PDE1A: variants seen among roughly 807,000 people sequenced by gnomAD.
PDE1A encodes phosphodiesterase 1A.
Under a neutral mutation model 61.7 loss-of-function variants are expected in PDE1A, and 35 were observed. The ratio of observed to expected loss-of-function variants is 0.57; its 90% confidence interval spans 0.43 to 0.75. The LOEUF (loss-of-function observed/expected upper bound fraction) is 0.75, where lower values mean the gene tolerates loss of function less well. PDE1A is among the 30% of genes least tolerant of loss of function. PDE1A has a pLI of 0.00. For synonymous variants in PDE1A, 232 were observed against 213.2 expected (o/e 1.09, Z -0.77); for missense variants, 597 against 630.6 (o/e 0.95, Z 0.57).
chr2:182,560,328 C>G, the PDE1A span, among the ~76,000 whole-genome samples: 1 of 149,844 alleles, frequency 6.7e-6, no homozygotes, highest in African/African-American at 2.5e-5. Flanking sequence ...GTTTTTTGTC[C>G]TTGCGATAGT....
At chr2:182,594,581 T>C in the PDE1A span, among the ~76,000 whole-genome samples, 1 of 152,360 alleles carries the variant, frequency 6.6e-6, no homozygotes, top group African/African-American at 2.4e-5. Flanking sequence ...ATAACTTTTC[T>C]TTGTCATATA....
At chr2:182,627,340 A>G in the PDE1A span, among the ~76,000 whole-genome samples, 4 of 116,630 alleles carry the variant, frequency 3.4e-5, no homozygotes, top group Non-Finnish European at 6.5e-5. Flanking sequence ...AAATTTATAT[A>G]TAATATATAA....
At chr2:182,527,779 T>C (rs571608540), upstream of PDE1A, among the ~76,000 whole-genome samples, 126 of 152,140 alleles carry the variant, frequency 8.3e-4, 2 homozygotes, top group African/African-American at 2.9e-3. Context: ...TGGGAGATAA[T>C]TGAATCATAG....
chr2:182,380,333 C>T (rs552380881), intron 1 of PDE1A, among the ~76,000 whole-genome samples: 4 of 151,894 alleles, frequency 2.6e-5, no homozygotes, highest in East Asian at 3.9e-4. Context: ...AGGATGGTCT[C>T]GATCTCCTGA....
chr2:182,537,181 A>C, the PDE1A span, among the ~76,000 whole-genome samples: 1 of 152,238 alleles, frequency 6.6e-6, no homozygotes, highest in Admixed American at 6.5e-5. Flanking sequence ...AACTGGAAGA[A>C]GCAGAGTAAA....
chr2:182,561,478 G>A, the PDE1A span, among the ~76,000 whole-genome samples: 35 of 152,322 alleles, frequency 2.3e-4, no homozygotes, highest in African/African-American at 8.2e-4. Flanking sequence ...ATAGTTTGAA[G>A]TCAGGCAGCA....
At chr2:182,516,702 G>GAGGAAAGAAGGAAGGAAGGAAGGAAGGA (rs1690181413) in intron 2 of PDE1A, among the ~76,000 whole-genome samples, 1 of 116,764 alleles carries the variant, frequency 8.6e-6, no homozygotes, top group Non-Finnish European at 1.7e-5. Flanking sequence ...GGGAGGAAGG[G>GAGGAAAGAAGGAAGGAAGGAAGGAAGGA]AGGAAGGAAG....
chr2:182,551,968 G>A, the PDE1A span, among the ~76,000 whole-genome samples: 2 of 152,224 alleles, frequency 1.3e-5, no homozygotes, highest in South Asian at 4.2e-4. Flanking sequence ...AGATTACTCT[G>A]GATGAACAGA....
At chr2:182,475,626 G>A (rs952252419) in intron 2 of PDE1A, among the ~76,000 whole-genome samples, 6 of 151,844 alleles carry the variant, frequency 4.0e-5, no homozygotes, top group Non-Finnish European at 5.9e-5. Context: ...AAACAAGCAC[G>A]GGCTATTCAT....
At chr2:182,688,957 C>A in the PDE1A span, among the ~76,000 whole-genome samples, 1 of 152,186 alleles carries the variant, frequency 6.6e-6, no homozygotes, top group South Asian at 2.1e-4. Context: ...ATAAAGGGAT[C>A]AATTCAACAA....
At chr2:182,259,677 G>A (rs1465997616) in intron 2 of PDE1A, among the ~76,000 whole-genome samples, 19 of 152,144 alleles carry the variant, frequency 1.2e-4, no homozygotes, top group Admixed American at 1.2e-3. Flanking sequence ...GAGTCTAAGC[G>A]CTAATCATCG....
At chr2:182,542,090 T>G in the PDE1A span, among the ~76,000 whole-genome samples, 1 of 152,166 alleles carries the variant, frequency 6.6e-6, no homozygotes, top group African/African-American at 2.4e-5. Context: ...TTTTAAAAAT[T>G]TTATGTGATT....
intron 1 of PDE1A, among the ~76,000 whole-genome samples, chr2:182,359,989 C>T (rs1448815602): frequency 6.6e-6 from 1 of 152,080 alleles, no homozygotes; most frequent in Non-Finnish European, 1.5e-5. Flanking sequence ...AACCCAAATA[C>T]CATGAAGAAA....
At chr2:182,289,276 T>C (rs1463229635) in intron 1 of PDE1A, among the ~76,000 whole-genome samples, 1 of 152,116 alleles carries the variant, frequency 6.6e-6, no homozygotes, top group Non-Finnish European at 1.5e-5. Flanking sequence ...TTTCCCTTTC[T>C]AGCTAAAGTT....
intron 3 of PDE1A, among the ~76,000 whole-genome samples, chr2:182,236,609 C>A (rs1171944126): frequency 6.6e-6 from 1 of 152,146 alleles, no homozygotes; most frequent in African/African-American, 2.4e-5. Flanking sequence ...TATTTAATGT[C>A]ATTCATTTGT....
chr2:182,215,937 A>C (rs929194235), intron 7 of PDE1A, among the ~76,000 whole-genome samples: 1 of 121,532 alleles, frequency 8.2e-6, no homozygotes, highest in Non-Finnish European at 1.7e-5. Flanking sequence ...TCATTCTGAT[A>C]CCAAAGCCAG....
intron 2 of PDE1A, among the ~76,000 whole-genome samples, chr2:182,255,465 C>G (rs538316292): frequency 3.9e-5 from 6 of 152,110 alleles, no homozygotes; most frequent in Non-Finnish European, 5.9e-5. Flanking sequence ...CCAAGTTTAG[C>G]AGCTCATTAT....
At chr2:182,416,242 A>G (rs959514601) in intron 1 of PDE1A, among the ~76,000 whole-genome samples, 1 of 152,198 alleles carries the variant, frequency 6.6e-6, no homozygotes, top group East Asian at 1.9e-4. Flanking sequence ...TTAACTGTCT[A>G]TTTCTCACTA....
intron 1 of PDE1A, 73 bp from the exon 2 acceptor site, chr2:182,264,487 T>C (rs1462224254): frequency 2.1e-6 from 2 of 965,824 alleles, no homozygotes; most frequent in Non-Finnish European, 3.2e-6. Flanking sequence ...TAGTACAGTA[T>C]TAAATACACT....
Sources: gnomAD v4.1 joint callset for allele counts (sites outside exome capture counted in the v4.1 genomes callset) on GRCh38, gnomAD v4.1.1 for gene constraint, MANE v1.5 for transcripts, NCBI Gene and HGNC (gene_info 2026-07-23, HGNC 2026-07-21) for gene names.